The following CLYBL variants were observed in gnomAD, a reference collection of about 807,000 sequenced individuals.
CLYBL encodes citramalyl-CoA lyase.
CLYBL carries 31 observed loss-of-function variants against 38.9 expected under a neutral mutation model. The ratio of observed to expected loss-of-function variants is 0.80; its 90% confidence interval spans 0.60 to 1.08. The LOEUF (loss-of-function observed/expected upper bound fraction) is 1.08. Among genes scored for constraint, CLYBL ranks in the 50% least tolerant of loss-of-function variants. The probability of loss-of-function intolerance (pLI) is 0.00; values close to 1 mark genes in which losing one functional copy is unlikely to be tolerated. For missense variants in CLYBL, 434 were observed against 411.6 expected (o/e 1.05, Z -0.47); for synonymous variants, 171 against 158.6 (o/e 1.08, Z -0.59).
chr13:99,887,285 G>T (rs1442965966), intron 7 of CLYBL, among the ~76,000 whole-genome samples: 1 of 152,140 alleles, frequency 6.6e-6, no homozygotes, highest in Non-Finnish European at 1.5e-5. Context: ...AACACACTCA[G>T]AGAACCCTTT....
intron 1 of CLYBL, among the ~76,000 whole-genome samples, chr13:99,653,701 C>T (rs2047288057): frequency 6.6e-6 from 1 of 152,002 alleles, no homozygotes; most frequent in African/African-American, 2.4e-5. Flanking sequence ...AGTTATTAAC[C>T]TTCTCCTCCA....
intron 1 of CLYBL, among the ~76,000 whole-genome samples, chr13:99,747,853 A>G (rs2048880934): frequency 6.6e-6 from 1 of 152,196 alleles, no homozygotes; most frequent in Admixed American, 6.5e-5. Context: ...TTTATCCTGA[A>G]TCTGATCAAT....
At chr13:99,833,028 ATATTTTTTT>A (rs2050849974) in intron 2 of CLYBL, among the ~76,000 whole-genome samples, 1 of 36,080 alleles carries the variant, frequency 2.8e-5, no homozygotes, top group East Asian at 1.8e-3. Flanking sequence ...ATATATATAT[ATATTTTTTT>A]TTTTTTTTTT....
intron 1 of CLYBL, among the ~76,000 whole-genome samples, chr13:99,613,215 T>C (rs779872638): frequency 3.9e-5 from 6 of 152,168 alleles, no homozygotes. Flanking sequence ...AAGGGCTCCC[T>C]GGCTGTATGT....
downstream of CLYBL, chr13:99,897,228 C>A (rs892358576): frequency 2.6e-5 from 4 of 152,260 alleles, no homozygotes; most frequent in Admixed American, 2.0e-4. Flanking sequence ...AGTCCTCAAC[C>A]CGTCAGAGGC....
At chr13:99,642,144 T>C (rs565108813) in intron 1 of CLYBL, among the ~76,000 whole-genome samples, 25 of 152,302 alleles carry the variant, frequency 1.6e-4, no homozygotes, top group African/African-American at 6.0e-4. Flanking sequence ...ATTCTCATCT[T>C]ATGACCCCAG....
At chr13:99,711,509 C>T (rs1350555916) in intron 1 of CLYBL, among the ~76,000 whole-genome samples, 3 of 148,032 alleles carry the variant, frequency 2.0e-5, no homozygotes, top group South Asian at 2.1e-4. Context: ...CGGGTTCAAG[C>T]GATTCTCCTG....
chr13:99,796,319 C>T (rs1162407438), intron 2 of CLYBL, among the ~76,000 whole-genome samples: 1 of 152,068 alleles, frequency 6.6e-6, no homozygotes, highest in African/African-American at 2.4e-5. Context: ...TGAATTTTGG[C>T]CCATTCCTAA....
Position 99,740,828 on chromosome 13 carries a change from A to G in CLYBL, c.63-31996A>G, listed in dbSNP as rs536384880. On this transcript the variant is annotated intron_variant, in intron 1 of 8. Coordinates refer to ENST00000339105, the MANE Select transcript of CLYBL (RefSeq NM_206808.5). ...TAACGGCGTGCACACAGCTGGATCA[A>G]TGGCAGGAATTGAAGGACCCAGTTG... Among the ~76,000 whole-genome samples, 14 of 152,266 alleles carry G rather than the reference A, an allele frequency of 9.2e-5. No homozygotes were observed. In the South Asian group the frequency reaches 2.9e-3, roughly 32 times the overall value.
At position 99,607,037 on chromosome 13, in the gene CLYBL, C is replaced by G. The variant is rs138884119; in HGVS notation, c.62+280C>G. Among the ~76,000 whole-genome samples the G allele has an allele frequency of 6.5e-4, 99 of 152,322 alleles. 1 individual carries two copies. Among genetic ancestry groups the G allele is most frequent in the African/African-American group, 2.3e-3 (94 of 41,578 alleles). On this transcript the variant is annotated intron_variant, in intron 1 of 8. Transcript: ENST00000339105. ...AGGAAACAAAACTGCCTGCCTCCCC[C>G]AAATGGCAAACGTGAACGCGCCAGT...
intron 1 of CLYBL, among the ~76,000 whole-genome samples, chr13:99,769,010 A>G (rs936465329): frequency 6.6e-6 from 1 of 152,172 alleles, no homozygotes; most frequent in African/African-American, 2.4e-5. Context: ...GGGGCTTGCA[A>G]CATTGGAGGG....
chr13:99,684,327 G>A (rs1240887325), intron 1 of CLYBL, among the ~76,000 whole-genome samples: 2 of 150,110 alleles, frequency 1.3e-5, no homozygotes, highest in East Asian at 1.9e-4. Context: ...TTACAGGTGC[G>A]TGCCACCACA....
intron 1 of CLYBL, among the ~76,000 whole-genome samples, chr13:99,688,191 C>G (rs545831291): frequency 4.3e-4 from 66 of 152,210 alleles, no homozygotes; most frequent in African/African-American, 1.6e-3. Flanking sequence ...TTTTGCTACT[C>G]TGTTTCAGAT....
intron 1 of CLYBL, among the ~76,000 whole-genome samples, chr13:99,694,440 G>T (rs189706740): frequency 6.6e-6 from 1 of 152,292 alleles, no homozygotes; most frequent in African/African-American, 2.4e-5. Flanking sequence ...GTGTTTCCAC[G>T]TTTCAGCCTC....
At chr13:99,623,320 C>T (rs1013225736) in intron 1 of CLYBL, among the ~76,000 whole-genome samples, 2 of 152,164 alleles carry the variant, frequency 1.3e-5, no homozygotes, top group Admixed American at 6.5e-5. Flanking sequence ...GTTGTATTCT[C>T]GCGGTTTCTT....
At chr13:99,909,155 T>A (rs115244801) in exon 10 of CLYBL, among the ~76,000 whole-genome samples, 1,727 of 152,254 alleles carry the variant, frequency 0.011, 25 homozygotes, top group African/African-American at 0.04. Context: ...CAACACCATA[T>A]GGAAAAGCAA....
chr13:99,901,849 G>A (rs1594256904), downstream of CLYBL, among the ~76,000 whole-genome samples: 1 of 151,882 alleles, frequency 6.6e-6, no homozygotes, highest in Non-Finnish European at 1.5e-5. Flanking sequence ...TAGTAGAGAC[G>A]GGGTTTCATC....
chr13:99,908,279 C>CA (rs1317990661), exon 10 of CLYBL, among the ~76,000 whole-genome samples: 2 of 152,300 alleles, frequency 1.3e-5, no homozygotes, highest in East Asian at 3.9e-4. Context: ...GCTCTGTTTA[C>CA]ACACCTGGAC....
At chr13:99,793,033 AACACACACACAC>A (rs10631674) in intron 2 of CLYBL, among the ~76,000 whole-genome samples, 51 of 145,882 alleles carry the variant, frequency 3.5e-4, no homozygotes, top group Non-Finnish European at 5.1e-4. Context: ...GTGCATACAT[AACACACACACAC>A]ACACACACAC....
Sources: gnomAD v4.1 joint callset for allele counts (sites outside exome capture counted in the v4.1 genomes callset) on GRCh38, gnomAD v4.1.1 for gene constraint, MANE v1.5 for transcripts, NCBI Gene and HGNC (gene_info 2026-07-23, HGNC 2026-07-21) for gene names.